Variants in BTBD9 observed in about 807,000 individuals in gnomAD.
The protein encoded by BTBD9 is BTB/POZ domain-containing protein 9.
Under a neutral mutation model 64.3 loss-of-function variants are expected in BTBD9, and 49 were observed. The ratio of observed to expected loss-of-function variants is 0.76; its 90% CI spans 0.61 to 0.97. The LOEUF (loss-of-function observed/expected upper bound fraction) is 0.97. Ranked by LOEUF, BTBD9 falls within the 50% of genes least tolerant of loss-of-function variation. The pLI is 0.00. For synonymous variants in BTBD9, 260 were observed against 274.7 expected, an observed-to-expected ratio of 0.95 and a Z score of 0.53; for missense variants, 598 against 762.1, an observed-to-expected ratio of 0.78 and a Z score of 2.53.
chr6:38,262,334 C>T (rs1008931863), intron 8 of BTBD9, among the ~76,000 whole-genome samples: 1 of 152,162 alleles, frequency 6.6e-6, no homozygotes, highest in Non-Finnish European at 1.5e-5. Flanking sequence ...CAGATCAGGT[C>T]GGTGTTTAGC....
chr6:38,302,655 T>C (rs963330461), intron 7 of BTBD9, among the ~76,000 whole-genome samples: 2 of 151,760 alleles, frequency 1.3e-5, no homozygotes, highest in African/African-American at 4.8e-5. Context: ...CCTTTAGATA[T>C]ATACCCAGTA....
chr6:38,368,489 T>G (rs1765280651), intron 6 of BTBD9, among the ~76,000 whole-genome samples: 1 of 152,054 alleles, frequency 6.6e-6, no homozygotes, highest in Non-Finnish European at 1.5e-5. Context: ...TGCCTGCCAC[T>G]GTGCCTGGCT....
At chr6:38,615,177 C>T (rs1305555728) in intron 1 of BTBD9, among the ~76,000 whole-genome samples, 1 of 152,232 alleles carries the variant, frequency 6.6e-6, no homozygotes, top group Non-Finnish European at 1.5e-5. Context: ...AACTCAGGTG[C>T]CATTTCCTCA....
At chr6:38,354,534 A>G (rs574031256) in intron 6 of BTBD9, among the ~76,000 whole-genome samples, 22 of 152,314 alleles carry the variant, frequency 1.4e-4, no homozygotes, top group African/African-American at 5.1e-4. Flanking sequence ...CAAGCTATGT[A>G]AAGAAACCTC....
chr6:38,330,697 T>A (rs950651300), intron 7 of BTBD9, among the ~76,000 whole-genome samples: 15 of 148,368 alleles, frequency 1.0e-4, no homozygotes, highest in Non-Finnish European at 2.1e-4. Context: ...GCAAAATAGA[T>A]GACGAAGATG....
At chr6:38,535,356 G>A (rs1451656584) in intron 6 of BTBD9, among the ~76,000 whole-genome samples, 3 of 151,744 alleles carry the variant, frequency 2.0e-5, no homozygotes, top group African/African-American at 7.3e-5. Context: ...AAATTGAAGA[G>A]GACACAAAAA....
In BTBD9 at chr6:38,174,710, T is replaced by C. The variant is rs1766922038; in HGVS notation, c.*275A>G. On this transcript the variant is annotated 3_prime_UTR_variant, in exon 11 of 11. Coordinates refer to ENST00000481247, the MANE Select transcript of BTBD9 (RefSeq NM_001099272.2). ...CCTGTTCCCTGCGCCTGGGCTAGAT[T>C]AGAGAGGTAGGGTGTTAATGGTGGA... is the stretch of plus-strand genomic sequence containing the variant. The C allele has an allele frequency of 2.1e-6, 1 of 467,532 alleles. No individual in the cohort carries two copies. Among genetic ancestry groups the C allele is most frequent in the African/African-American group, 1.9e-5 (1 of 51,864 alleles). 29.0% of individuals were successfully genotyped at this position (467,532 alleles called of 1,614,324 possible).
intron 6 of BTBD9, among the ~76,000 whole-genome samples, chr6:38,553,733 G>A (rs1245468892): frequency 7.2e-5 from 11 of 151,968 alleles, no homozygotes; most frequent in Non-Finnish European, 8.8e-5. Flanking sequence ...GGCATGTGTA[G>A]TCCCAGCTAC....
chr6:38,381,964 G>A (rs760739352), intron 6 of BTBD9, among the ~76,000 whole-genome samples: 1 of 152,170 alleles, frequency 6.6e-6, no homozygotes, highest in Non-Finnish European at 1.5e-5. Flanking sequence ...ACTAAAACTT[G>A]TGGGATGACA....
intron 6 of BTBD9, among the ~76,000 whole-genome samples, chr6:38,544,784 G>A (rs574051358): frequency 8.6e-5 from 13 of 151,870 alleles, no homozygotes; most frequent in South Asian, 4.2e-4. Context: ...AAAATTAGCC[G>A]GGCGTGGTGG....
At chr6:38,454,268 G>A (rs1769688762) in intron 6 of BTBD9, among the ~76,000 whole-genome samples, 1 of 151,938 alleles carries the variant, frequency 6.6e-6, no homozygotes, top group Middle Eastern at 3.4e-3. Flanking sequence ...AAAAAACGGG[G>A]GAAATATATT....
intron 1 of BTBD9, among the ~76,000 whole-genome samples, chr6:38,602,307 G>GA (rs1452786514): frequency 4.6e-5 from 7 of 151,836 alleles, no homozygotes; most frequent in African/African-American, 9.7e-5. Flanking sequence ...AAAAAAACTG[G>GA]AAAAAACCCT....
intron 1 of BTBD9, among the ~76,000 whole-genome samples, chr6:38,635,406 A>T (rs556489332): frequency 6.6e-6 from 1 of 152,208 alleles, no homozygotes; most frequent in South Asian, 2.1e-4. Context: ...AAAGTGCTGG[A>T]GTTACAGGCA....
intron 9 of BTBD9, among the ~76,000 whole-genome samples, chr6:38,198,796 A>G (rs2127490755): frequency 6.6e-6 from 1 of 152,344 alleles, no homozygotes; most frequent in Admixed American, 6.5e-5. Flanking sequence ...CCCATCAAAT[A>G]TATGTGTTAT....
chr6:38,237,083 T>G (rs1331869885), intron 9 of BTBD9, among the ~76,000 whole-genome samples: 1 of 152,234 alleles, frequency 6.6e-6, no homozygotes, highest in African/African-American at 2.4e-5. Flanking sequence ...GCTTTTTAGT[T>G]TTGTCTTCAT....
intron 9 of BTBD9, among the ~76,000 whole-genome samples, chr6:38,212,828 G>A (rs1382959939): frequency 6.6e-6 from 1 of 152,122 alleles, no homozygotes; most frequent in East Asian, 1.9e-4. Context: ...CTGGCTCCGT[G>A]TGGCTGTCCA....
intron 6 of BTBD9, among the ~76,000 whole-genome samples, chr6:38,361,536 CTG>C (rs1233334264): frequency 1.3e-5 from 2 of 150,274 alleles, no homozygotes; most frequent in African/African-American, 4.9e-5. Flanking sequence ...GAACGAGACC[CTG>C]TCTCTTAAAA....
At chr6:38,362,213 C>T (rs1167541661) in intron 6 of BTBD9, among the ~76,000 whole-genome samples, 1 of 152,144 alleles carries the variant, frequency 6.6e-6, no homozygotes, top group East Asian at 1.9e-4. Flanking sequence ...ACTGATTCAC[C>T]CCAAGAAGCA....
chr6:38,383,218 T>C (rs1766012051), intron 6 of BTBD9, among the ~76,000 whole-genome samples: 1 of 152,164 alleles, frequency 6.6e-6, no homozygotes, highest in South Asian at 2.1e-4. Flanking sequence ...CATTAGAAAA[T>C]CTTACAATAT....
Sources: gnomAD v4.1 joint callset for allele counts (sites outside exome capture counted in the v4.1 genomes callset) on GRCh38, gnomAD v4.1.1 for gene constraint, MANE v1.5 for transcripts, NCBI Gene and HGNC (gene_info 2026-07-23, HGNC 2026-07-21) for gene names.